ABCC12: variants seen among roughly 807,000 people sequenced by gnomAD.
ABCC12 encodes ATP-binding cassette sub-family C member 12.
Under a neutral mutation model 151.1 loss-of-function variants are expected in ABCC12, and 142 were observed. That is an observed-to-expected ratio of 0.94 (90% confidence interval 0.82 to 1.08). ABCC12 has a LOEUF of 1.08. ABCC12 is among the 50% of genes least tolerant of loss of function. The pLI, the probability that ABCC12 is intolerant of heterozygous loss-of-function variation, is 0.00. For missense variants in ABCC12, 1,638 were observed against 1,691.1 expected (o/e 0.97, Z 0.55); for synonymous variants, 645 against 646.4 (o/e 1.00, Z 0.03).
chr16:48,154,561 T>G (rs113611129), intron 1 of ABCC12, among the ~76,000 whole-genome samples: 1 of 152,192 alleles, frequency 6.6e-6, no homozygotes, highest in African/African-American at 2.4e-5. Flanking sequence ...ATGTAACATT[T>G]ATTATTGCAT....
intron 4 of ABCC12, among the ~76,000 whole-genome samples, chr16:48,143,023 T>G (rs535971477): frequency 9.0e-4 from 137 of 152,342 alleles, no homozygotes; most frequent in African/African-American, 3.2e-3. Flanking sequence ...CTTTCACATT[T>G]TTATAATGAA....
intron 20 of ABCC12, among the ~76,000 whole-genome samples, chr16:48,106,773 A>G (rs1473594479): frequency 6.6e-6 from 1 of 152,212 alleles, no homozygotes; most frequent in East Asian, 1.9e-4. Context: ...ACTCCCAGCA[A>G]GCTCAAGAGA....
At chr16:48,143,883 T>C in intron 4 of ABCC12, 27 bp downstream of exon 4, 1 of 1,606,612 alleles carries the variant, frequency 6.2e-7, no homozygotes, top group Non-Finnish European at 8.5e-7. Context: ...AATGGACTAA[T>C]ACAGTGACCC....
intron 25 of ABCC12, among the ~76,000 whole-genome samples, 194 bp downstream of exon 25, chr16:48,090,926 G>T (rs1408295076): frequency 2.0e-5 from 3 of 152,172 alleles, no homozygotes; most frequent in African/African-American, 7.2e-5. Flanking sequence ...GGCCAGGCTG[G>T]TCTCAAACTC....
In ABCC12 at chr16:48,104,379, T is replaced by C. The variant is rs745886811; in HGVS notation, c.2674-11A>G. On this transcript the variant is annotated splice_polypyrimidine_tract_variant and intron_variant, in intron 21 of 30. Transcript: ENST00000311303. Reference sequence around the variant, plus strand: ...TGGGCTCTTTAAGATCTGTGGAGAATGGTAGAGAGTCAAACAGAGTCGAGA... The same window carrying C: ...TGGGCTCTTTAAGATCTGTGGAGAACGGTAGAGAGTCAAACAGAGTCGAGA... 5 of 1,612,504 alleles carry C rather than the reference T, an allele frequency of 3.1e-6. No homozygotes were observed. Among genetic ancestry groups the C allele is most frequent in the Non-Finnish European group, 3.4e-6 (4 of 1,178,620 alleles).
chr16:48,096,669 T>C (rs769382230), intron 24 of ABCC12, 77 bp downstream of exon 24: 9 of 1,472,668 alleles, frequency 6.1e-6, no homozygotes, highest in Non-Finnish European at 8.5e-6. Flanking sequence ...TTTTGTTGTG[T>C]CCATCCAAAA....
chr16:48,090,706 A>C (rs1459367732), intron 25 of ABCC12, among the ~76,000 whole-genome samples: 1 of 151,998 alleles, frequency 6.6e-6, no homozygotes, highest in Non-Finnish European at 1.5e-5. Flanking sequence ...GACTCGTCCG[A>C]TTTGGGGTTT....
rs768811630 is a variant in ABCC12 at position 48,138,291 on chromosome 16, GA to G, written c.915del (p.Leu306Ter). ...TDKRVQTMNE[F>X]LTCIRLIKMY... ...ATTTTGATCAGCCTGATGCAGGTCA[GA>G]AACTCATTCATTGTCTGAACTCGCT... On this transcript the variant is annotated frameshift_variant, in exon 8 of 31. Transcript: ENST00000311303. LOFTEE classifies it high-confidence loss of function. The G allele has an allele frequency of 9.9e-6, 16 of 1,613,918 alleles. No homozygotes were observed. The African/African-American group carries it at 1.7e-4, about 18-fold the overall frequency.
rs1251569036 is a variant in ABCC12 at position 48,087,977 on chromosome 16, G to C, written c.3584C>G (p.Thr1195Ser). 14 of 1,614,204 alleles carry C rather than the reference G, an allele frequency of 8.7e-6. No individual in the cohort carries two copies. The highest frequency in any genetic ancestry group is 1.3e-5 in the African/African-American group (1 of 75,030). ...ICILSLEDLR[T>S]KLTVIPQDPV... ...ATCCTGTGGGATCACAGTCAGCTTG[G>C]TTCTGAGGTCTTCCAAGCTGAGAAT... The change falls in exon 27 of 31, where the codon ACC (threonine) becomes AGC (serine). Residue 1195 changes from threonine to serine, a missense_variant. Thr to Ser is a moderately conservative substitution (Grantham distance 58). Coordinates refer to ENST00000311303, the MANE Select transcript of ABCC12 (RefSeq NM_001393797.1).
chr16:48,146,703 T>C (rs1965015920), intron 2 of ABCC12: 2 of 316,958 alleles, frequency 6.3e-6, no homozygotes, highest in Admixed American at 9.2e-5. Flanking sequence ...TTTTCTCATG[T>C]TGGGTTGGCC....
At chr16:48,120,225 C>T (rs1414270457) in intron 13 of ABCC12, among the ~76,000 whole-genome samples, 1 of 152,154 alleles carries the variant, frequency 6.6e-6, no homozygotes, top group Admixed American at 6.5e-5. Flanking sequence ...AAACAGAAAA[C>T]CAAATATCAC....
chr16:48,085,524 C>A, intron 29 of ABCC12, 69 bp downstream of exon 29: 1 of 1,343,868 alleles, frequency 7.4e-7, no homozygotes, highest in Non-Finnish European at 1.1e-6. Context: ...CGTGGCTCTG[C>A]CTCCTGGATT....
intron 13 of ABCC12, among the ~76,000 whole-genome samples, chr16:48,119,318 A>G (rs117361231): frequency 7.9e-5 from 12 of 152,306 alleles, no homozygotes; most frequent in Non-Finnish European, 1.8e-4. Flanking sequence ...CATTTCTTAT[A>G]GCCCATTCCA....
At chr16:48,113,678 C>G (rs1240757871) in intron 15 of ABCC12, among the ~76,000 whole-genome samples, 1 of 152,182 alleles carries the variant, frequency 6.6e-6, no homozygotes, top group African/African-American at 2.4e-5. Context: ...TCTTGTGCCA[C>G]CTGGTGGCTA....
At chr16:48,097,023 T>G in intron 23 of ABCC12, 121 bp from the exon 24 acceptor site, 1 of 1,181,206 alleles carries the variant, frequency 8.5e-7, no homozygotes. Context: ...CAAGGAATTT[T>G]TAATCAAGGG....
At chr16:48,134,945 G>A (rs1176472212) in intron 8 of ABCC12, among the ~76,000 whole-genome samples, 4 of 151,814 alleles carry the variant, frequency 2.6e-5, no homozygotes, top group East Asian at 1.9e-4. Flanking sequence ...CCAGCTACTC[G>A]GGAGGCTGAG....
intron 9 of ABCC12, among the ~76,000 whole-genome samples, chr16:48,133,255 C>T (rs1420744836): frequency 3.3e-5 from 5 of 152,180 alleles, no homozygotes; most frequent in Non-Finnish European, 7.3e-5. Flanking sequence ...GGCACTGTGG[C>T]TCACGCCTGT....
chr16:48,091,166 GTC>G lies in ABCC12; in HGVS notation c.3237_3238del (p.Glu1079AspfsTer21), dbSNP rs1190940161. ...CTCCACGGAGGTGAATTTGGCTTGC[GTC>G]TCTGTTCCCGTTCGCACACACACTT... is the stretch of plus-strand genomic sequence containing the variant. On this transcript the variant is annotated frameshift_variant, in exon 25 of 31. Transcript: ENST00000311303. LOFTEE classifies it high-confidence loss of function. 11 of 1,614,016 alleles carry G rather than the reference GTC, an allele frequency of 6.8e-6. No individual in the cohort carries two copies. The highest frequency in any genetic ancestry group is 7.6e-6 in the Non-Finnish European group (9 of 1,180,024).
rs1318468676 is a variant in ABCC12, at chr16:48,083,471, G to C, written c.*244C>G. 4.3e-6 allele frequency: 2 copies of C among 468,922 alleles called. No homozygotes were observed. Among genetic ancestry groups the C allele is most frequent in the Non-Finnish European group, 3.7e-6 (1 of 269,422 alleles). 29.0% of individuals were successfully genotyped at this position (468,922 alleles called of 1,614,324 possible). ...CCCTTGGGGATTTGGGAGGTGAAGG[G>C]CAGTTTTTTAATCCATTAGCTGGGT... On this transcript the variant is annotated 3_prime_UTR_variant, in exon 31 of 31. Transcript: ENST00000311303.
Sources: gnomAD v4.1 joint callset for allele counts (sites outside exome capture counted in the v4.1 genomes callset) on GRCh38, gnomAD v4.1.1 for gene constraint, MANE v1.5 for transcripts, NCBI Gene and HGNC (gene_info 2026-07-23, HGNC 2026-07-21) for gene names.